Variants in TMEFF2 observed in about 807,000 individuals in gnomAD.
TMEFF2 encodes the protein tomoregulin-2.
A neutral mutation model predicts 53.8 loss-of-function variants in TMEFF2; 28 were observed. The ratio of observed to expected loss-of-function variants is 0.52; its 90% CI spans 0.39 to 0.71. TMEFF2 has a LOEUF of 0.71. Among genes scored for constraint, TMEFF2 ranks in the 30% least tolerant of loss-of-function variants. The pLI, the probability that TMEFF2 is intolerant of heterozygous loss-of-function variation, is 0.00. For synonymous variants in TMEFF2, 162 were observed against 166.3 expected (o/e 0.97, Z 0.20); for missense variants, 353 against 455.2 (o/e 0.78, Z 2.04).
chr2:191,982,192 C>T (rs960936782), intron 7 of TMEFF2, among the ~76,000 whole-genome samples: 4 of 152,142 alleles, frequency 2.6e-5, no homozygotes, highest in Admixed American at 2.6e-4. Flanking sequence ...GGACTGAGCA[C>T]TTCAGTCCAT....
intron 7 of TMEFF2, 82 bp from the exon 8 acceptor site, chr2:191,956,460 T>C: frequency 6.9e-7 from 1 of 1,448,622 alleles, no homozygotes; most frequent in Non-Finnish European, 9.2e-7. Flanking sequence ...AGCAAAGCTA[T>C]GGTAGGCAAA....
chr2:192,184,488 GA>G lies in TMEFF2; in HGVS notation c.283-6del. 6.2e-7 allele frequency: 1 copy of G among 1,612,984 alleles called. No homozygotes were observed. Among genetic ancestry groups the G allele is most frequent in the Non-Finnish European group, 8.5e-7 (1 of 1,179,336 alleles). ...AGGCACATAGTCATTGTTGCACTGGGAAACACACAGATGTAAGCCTATAGTT... is the reference window on the plus strand; with the variant it reads ...AGGCACATAGTCATTGTTGCACTGGGAACACACAGATGTAAGCCTATAGTT... On this transcript the variant is annotated splice_polypyrimidine_tract_variant and splice_region_variant and intron_variant, in intron 2 of 9. Transcript: ENST00000272771.
chr2:192,037,573 AGT>A (rs66573123), intron 5 of TMEFF2, among the ~76,000 whole-genome samples: 137,499 of 145,852 alleles, frequency 0.94, 65,198 homozygotes, highest in Non-Finnish European at 0.99. Context: ...GAGAGTAACA[AGT>A]GTGTGTGTGT....
At chr2:192,025,403 T>C (rs962965917) in intron 5 of TMEFF2, among the ~76,000 whole-genome samples, 3 of 150,980 alleles carry the variant, frequency 2.0e-5, no homozygotes, top group Non-Finnish European at 4.4e-5. Context: ...TTTAATGATA[T>C]AGCGTTCTTG....
intron 7 of TMEFF2, among the ~76,000 whole-genome samples, chr2:191,968,984 C>A (rs1221548116): frequency 2.6e-5 from 4 of 152,114 alleles, no homozygotes; most frequent in African/African-American, 4.8e-5. Flanking sequence ...GATCACTGCA[C>A]TAACACACCT....
intron 4 of TMEFF2, among the ~76,000 whole-genome samples, chr2:192,083,990 C>A (rs139766946): frequency 1.6e-4 from 24 of 152,138 alleles, no homozygotes; most frequent in African/African-American, 5.5e-4. Flanking sequence ...CCACTAGAAT[C>A]ATTGTTACCA....
At chr2:192,177,206 G>A (rs1281051935) in intron 4 of TMEFF2, 1 of 151,090 alleles carries the variant, frequency 6.6e-6, no homozygotes, top group Non-Finnish European at 1.5e-5. Context: ...AGCTGATTCT[G>A]CCCTCTCAAA....
chr2:191,953,788 C>T lies in TMEFF2; in HGVS notation c.919G>A (p.Val307Ile). The change falls in exon 9 of 10, where the codon GTT (valine) becomes ATT (isoleucine). Residue 307 changes from valine to isoleucine, a missense_variant. Val to Ile is a conservative substitution (Grantham distance 29). Transcript: ENST00000272771. ...ACAGGACCGGGAACAACGTATAGAACACTGTAGTCCTTTTTTTCACAGTGT... is the reference window on the plus strand; with the variant it reads ...ACAGGACCGGGAACAACGTATAGAATACTGTAGTCCTTTTTTTCACAGTGT... Reference protein sequence around the residue: ...GQHCEKKDYSVLYVVPGPVRF... With the variant: ...GQHCEKKDYSILYVVPGPVRF... 2.5e-6 allele frequency: 4 copies of T among 1,612,992 alleles called. No homozygotes were observed. The highest frequency in any genetic ancestry group is 3.4e-6 in the Non-Finnish European group (4 of 1,179,376).
intron 2 of TMEFF2, among the ~76,000 whole-genome samples, chr2:192,187,158 G>A (rs1457575835): frequency 6.6e-6 from 1 of 152,140 alleles, no homozygotes; most frequent in Non-Finnish European, 1.5e-5. Flanking sequence ...TGGGAGTCTA[G>A]TCCTAAGTTG....
intron 5 of TMEFF2, among the ~76,000 whole-genome samples, chr2:192,000,678 G>C (rs1686335324): frequency 6.6e-6 from 1 of 152,192 alleles, no homozygotes; most frequent in East Asian, 1.9e-4. Flanking sequence ...GTGCATCTCA[G>C]AGTGTAGTCC....
chr2:191,962,053 C>T (rs999580113), intron 7 of TMEFF2, among the ~76,000 whole-genome samples: 1 of 152,134 alleles, frequency 6.6e-6, no homozygotes, highest in Admixed American at 6.5e-5. Flanking sequence ...AGAGCAGAGA[C>T]CCAGTCATAA....
intron 4 of TMEFF2, among the ~76,000 whole-genome samples, chr2:192,107,169 A>C (rs1689168955): frequency 6.6e-6 from 1 of 151,786 alleles, no homozygotes; most frequent in African/African-American, 2.4e-5. Flanking sequence ...GAGTTATTAA[A>C]ACTTTTTCAG....
intron 5 of TMEFF2, among the ~76,000 whole-genome samples, chr2:192,008,119 AGT>A (rs1686544591): frequency 6.6e-6 from 1 of 152,214 alleles, no homozygotes; most frequent in Admixed American, 6.5e-5. Flanking sequence ...CTATCACAAC[AGT>A]GACAGCATGC....
intron 4 of TMEFF2, among the ~76,000 whole-genome samples, chr2:192,129,248 A>T (rs1574398506): frequency 2.0e-5 from 3 of 152,314 alleles, no homozygotes; most frequent in African/African-American, 7.2e-5. Flanking sequence ...TCAGTTTTTT[A>T]AAAATGTCCA....
intron 7 of TMEFF2, among the ~76,000 whole-genome samples, chr2:191,968,391 G>A (rs1041496985): frequency 6.6e-6 from 1 of 152,190 alleles, no homozygotes; most frequent in South Asian, 2.1e-4. Context: ...TGTGGCAACT[G>A]AGATAAATGA....
chr2:192,189,755 C>T (rs559432763), intron 2 of TMEFF2, among the ~76,000 whole-genome samples: 1 of 152,040 alleles, frequency 6.6e-6, no homozygotes, highest in South Asian at 2.1e-4. Flanking sequence ...CTTAAAATAT[C>T]CTATTTATTA....
chr2:192,135,142 T>C (rs1454865211), intron 4 of TMEFF2, among the ~76,000 whole-genome samples: 2 of 152,322 alleles, frequency 1.3e-5, no homozygotes, highest in African/African-American at 2.4e-5. Flanking sequence ...TGTCTAGTCA[T>C]ACTCCTATTC....
At chr2:192,007,462 G>C (rs1403615148) in intron 5 of TMEFF2, among the ~76,000 whole-genome samples, 1 of 152,160 alleles carries the variant, frequency 6.6e-6, no homozygotes, top group South Asian at 2.1e-4. Context: ...AAGAAGAGTA[G>C]GATTTAGATG....
intron 5 of TMEFF2, among the ~76,000 whole-genome samples, chr2:192,041,575 A>G (rs915132400): frequency 5.9e-5 from 9 of 152,310 alleles, no homozygotes; most frequent in South Asian, 2.1e-4. Flanking sequence ...AAAGTTAACC[A>G]TAAAGTTACC....
Sources: allele counts gnomAD v4.1 joint callset (sites outside exome capture counted in the v4.1 genomes callset), GRCh38; gene constraint gnomAD v4.1.1; transcripts MANE v1.5; gene names NCBI Gene and HGNC (gene_info 2026-07-23, HGNC 2026-07-21).